TSPAN9: variants seen among roughly 807,000 people sequenced by gnomAD.
TSPAN9 encodes tetraspanin-9.
In TSPAN9, 16 loss-of-function variants were observed where a neutral mutation model predicts 31.0. The ratio of observed to expected loss-of-function variants is 0.52; its 90% CI spans 0.35 to 0.78. TSPAN9 has a LOEUF of 0.78. Ranked by LOEUF, TSPAN9 falls within the 30% of genes least tolerant of loss-of-function variation. The pLI is 0.01. For missense variants in TSPAN9, 272 were observed against 312.5 expected (o/e 0.87, Z 0.98); for synonymous variants, 145 against 121.6 (o/e 1.19, Z -1.27).
At chr12:3,226,392 C>T (rs1340932562) in intron 3 of TSPAN9, among the ~76,000 whole-genome samples, 3 of 152,008 alleles carry the variant, frequency 2.0e-5, no homozygotes, top group Non-Finnish European at 4.4e-5. Context: ...GATTCACATC[C>T]AAGAAGCCTT....
intron 2 of TSPAN9, among the ~76,000 whole-genome samples, chr12:3,122,259 G>A (rs181706416): frequency 2.1e-3 from 317 of 149,658 alleles, no homozygotes; most frequent in Middle Eastern, 0.01. Context: ...GCGTGAACCC[G>A]GGAGGTGGAG....
intron 3 of TSPAN9, among the ~76,000 whole-genome samples, chr12:3,246,665 C>T (rs1468467726): frequency 3.9e-5 from 6 of 152,250 alleles, no homozygotes; most frequent in Non-Finnish European, 8.8e-5. Flanking sequence ...GACCATGACA[C>T]TCCCATTCCT....
In TSPAN9 at chr12:3,089,542, T is replaced by A. The variant is rs138894658; in HGVS notation, c.-18+5823T>A. Reference sequence around the variant, plus strand: ...GATCTCCTGACCTCGTGATCCGCCCTCCTTGGCCTCCCAAAGTGCTGGGAT... The same window carrying A: ...GATCTCCTGACCTCGTGATCCGCCCACCTTGGCCTCCCAAAGTGCTGGGAT... On this transcript the variant is annotated intron_variant, in intron 2 of 8. Coordinates refer to ENST00000011898, the MANE Select transcript of TSPAN9 (RefSeq NM_006675.5). Among the ~76,000 whole-genome samples the A allele has an allele frequency of 1.6e-3, 238 of 151,912 alleles. 1 individual carries two copies. Among genetic ancestry groups the A allele is most frequent in the Non-Finnish European group, 2.9e-3 (194 of 67,928 alleles).
chr12:3,134,048 G>C (rs1239645470), intron 2 of TSPAN9, among the ~76,000 whole-genome samples: 1 of 152,174 alleles, frequency 6.6e-6, no homozygotes, highest in Non-Finnish European at 1.5e-5. Context: ...GTAATGTAAG[G>C]GTTGCCGTCC....
chr12:3,079,530 C>T lies in TSPAN9; in HGVS notation c.-85+2077C>T, dbSNP rs533887565. Among the ~76,000 whole-genome samples the T allele has an allele frequency of 3.3e-5, 5 of 152,010 alleles. No homozygotes were observed. In the East Asian group the frequency reaches 5.9e-4, roughly 18 times the overall value. On this transcript the variant is annotated intron_variant, in intron 1 of 8. Coordinates refer to ENST00000011898, the MANE Select transcript of TSPAN9 (RefSeq NM_006675.5). ...AGGCTGGAGTGCGATGGCACTATCT[C>T]GGCTCACTGCAACCTCTGCCTACTG...
intron 3 of TSPAN9, among the ~76,000 whole-genome samples, chr12:3,237,325 C>T (rs2098394313): frequency 6.6e-6 from 1 of 152,238 alleles, no homozygotes; most frequent in African/African-American, 2.4e-5. Flanking sequence ...GACTTACGAT[C>T]AAAGACAGGC....
At chr12:3,196,169 C>A (rs1431788561) in intron 2 of TSPAN9, among the ~76,000 whole-genome samples, 1 of 152,152 alleles carries the variant, frequency 6.6e-6, no homozygotes, top group Non-Finnish European at 1.5e-5. Context: ...GGGACGTGTT[C>A]CTAGAGCTGC....
chr12:3,184,000 C>T (rs542001389), intron 2 of TSPAN9, among the ~76,000 whole-genome samples: 114 of 152,162 alleles, frequency 7.5e-4, no homozygotes, highest in Admixed American at 1.4e-3. Context: ...ATAGAAATGT[C>T]CAGAAGGGTC....
At chr12:3,194,475 C>T (rs2098366117) in intron 2 of TSPAN9, among the ~76,000 whole-genome samples, 2 of 152,164 alleles carry the variant, frequency 1.3e-5, no homozygotes, top group Non-Finnish European at 2.9e-5. Context: ...CAGCCTCGAC[C>T]TCCCGGGTTC....
intron 3 of TSPAN9, among the ~76,000 whole-genome samples, chr12:3,266,949 C>G (rs1261235580): frequency 6.6e-6 from 1 of 152,140 alleles, no homozygotes. Context: ...TTCCTGATAC[C>G]TATTTGTGTA....
At position 3,212,366 on chromosome 12, in the gene TSPAN9, A is replaced by T. The variant is rs534048254; in HGVS notation, c.63+11110A>T. Among the ~76,000 whole-genome samples the T allele has an allele frequency of 3.9e-5, 6 of 152,280 alleles. No individual in the cohort carries two copies. In the South Asian group the frequency reaches 1.2e-3, roughly 32 times the overall value. On this transcript the variant is annotated intron_variant, in intron 3 of 8. Coordinates refer to ENST00000011898, the MANE Select transcript of TSPAN9 (RefSeq NM_006675.5). ...TTTCACCATACATTAGGTCTTCTTT[A>T]ATGTTTTTCTGTAAAGTTTCATGAA...
At chr12:3,279,598 C>A (rs905432638) in intron 5 of TSPAN9, among the ~76,000 whole-genome samples, 2 of 152,204 alleles carry the variant, frequency 1.3e-5, no homozygotes, top group African/African-American at 4.8e-5. Context: ...TGTAACCTCG[C>A]CAGGCTGGGC....
At chr12:3,176,518 TGAA>T (rs1359764436) in intron 2 of TSPAN9, among the ~76,000 whole-genome samples, 2 of 152,258 alleles carry the variant, frequency 1.3e-5, no homozygotes, top group Admixed American at 1.3e-4. Flanking sequence ...CCTGTGGTAA[TGAA>T]GGACATTCCG....
At chr12:3,149,518 T>G (rs1427152564) in intron 2 of TSPAN9, among the ~76,000 whole-genome samples, 1 of 152,234 alleles carries the variant, frequency 6.6e-6, no homozygotes, top group East Asian at 1.9e-4. Context: ...GACCTCAGTT[T>G]GCCAGCCTGA....
intron 2 of TSPAN9, among the ~76,000 whole-genome samples, chr12:3,115,100 C>G (rs2098321546): frequency 6.7e-6 from 1 of 148,788 alleles, no homozygotes; most frequent in South Asian, 2.2e-4. Flanking sequence ...TTCTCCCTGT[C>G]TGAGTCAACC....
chr12:3,208,118 T>C (rs2098376289), intron 3 of TSPAN9, among the ~76,000 whole-genome samples: 1 of 152,198 alleles, frequency 6.6e-6, no homozygotes, highest in South Asian at 2.1e-4. Context: ...CTGTGGTTGT[T>C]AGTATTACTG....
chr12:3,131,130 A>G (rs1234383951), intron 2 of TSPAN9, among the ~76,000 whole-genome samples: 3 of 109,868 alleles, frequency 2.7e-5, no homozygotes, highest in Non-Finnish European at 4.4e-5. Flanking sequence ...ACTTTTGGGG[A>G]AAAAAAAAAA....
intron 2 of TSPAN9, among the ~76,000 whole-genome samples, chr12:3,196,462 TGTG>T (rs1205388534): frequency 6.6e-6 from 1 of 151,986 alleles, no homozygotes; most frequent in African/African-American, 2.4e-5. Flanking sequence ...TCTAAGAGAG[TGTG>T]GTGCATGGGC....
At chr12:3,206,504 A>G (rs1272506105) in intron 3 of TSPAN9, 11 of 311,758 alleles carry the variant, frequency 3.5e-5, no homozygotes, top group Admixed American at 3.4e-4. Context: ...CTCTACACCC[A>G]CACAGCCACT....
Sources: allele counts gnomAD v4.1 joint callset (sites outside exome capture counted in the v4.1 genomes callset), GRCh38; gene constraint gnomAD v4.1.1; transcripts MANE v1.5; gene names NCBI Gene and HGNC (gene_info 2026-07-23, HGNC 2026-07-21).